The following RASGRF2 variants were observed in gnomAD, a reference collection of about 807,000 sequenced individuals.
The protein encoded by RASGRF2 is Ras protein specific guanine nucleotide releasing factor 2.
In RASGRF2, 76 loss-of-function variants were observed where a neutral mutation model predicts 151.0. The observed-to-expected ratio is 0.50, with a 90% CI of 0.42 to 0.61. The LOEUF is 0.61. Ranked by LOEUF, RASGRF2 falls within the 20% of genes least tolerant of loss-of-function variation. RASGRF2 has a pLI of 0.00. For synonymous variants in RASGRF2, 504 were observed against 566.5 expected, an observed-to-expected ratio of 0.89 and a Z score of 1.57; for missense variants, 1,148 against 1,564.6, an observed-to-expected ratio of 0.73 and a Z score of 4.49.
In RASGRF2 at chr5:81,034,467, A is replaced by G. The variant is rs562073680; in HGVS notation, c.289-8410A>G. On this transcript the variant is annotated intron_variant, in intron 1 of 26. Coordinates refer to ENST00000265080, the MANE Select transcript of RASGRF2 (RefSeq NM_006909.3). ...TTACTGGGTATATACCCAAAGGACT[A>G]TAAATCATGCTGCTATAAAGACACA... Among the ~76,000 whole-genome samples the G allele has an allele frequency of 1.6e-3, 246 of 152,158 alleles. 3 individuals carry two copies. Among genetic ancestry groups the G allele is most frequent in the African/African-American group, 5.7e-3 (235 of 41,510 alleles).
rs532550 is a variant in RASGRF2, at chr5:80,995,286, C to G, written c.288+34260C>G. ...AAAAAAAAAAAAAGTTTACTTAGGC[C>G]CCTTTGTGGTCATTCCTTCCCTAAC... On this transcript the variant is annotated intron_variant, in intron 1 of 26. Transcript: ENST00000265080. Among the ~76,000 whole-genome samples the G allele has an allele frequency of 3.0e-3, 450 of 151,032 alleles. 5 individuals carry two copies. Among genetic ancestry groups the G allele is most frequent in the Admixed American group, 8.7e-3 (132 of 15,144 alleles).
chr5:81,052,715 A>AG (rs1022959845), intron 2 of RASGRF2, among the ~76,000 whole-genome samples: 3 of 152,202 alleles, frequency 2.0e-5, no homozygotes, highest in Non-Finnish European at 4.4e-5. Context: ...GTAATGCTGA[A>AG]GGGGTGTGAG....
At chr5:81,175,755 CAAAAAAAAA>C (rs33931356) in intron 17 of RASGRF2, among the ~76,000 whole-genome samples, 1 of 99,546 alleles carries the variant, frequency 1.0e-5, no homozygotes. Context: ...AACTCCGTCT[CAAAAAAAAA>C]AAAAAAAAAA....
At chr5:81,085,742 A>C in intron 7 of RASGRF2, 60 bp from the exon 8 acceptor site, 1 of 1,603,610 alleles carries the variant, frequency 6.2e-7, no homozygotes, top group South Asian at 1.1e-5. Flanking sequence ...GGCCCTGCGG[A>C]GCATGTGCCC....
chr5:81,178,408 A>T (rs935762334), intron 17 of RASGRF2, among the ~76,000 whole-genome samples: 3 of 152,152 alleles, frequency 2.0e-5, no homozygotes, highest in African/African-American at 7.2e-5. Context: ...TTATTTATTT[A>T]TTTTTTGGAC....
chr5:80,991,227 G>A (rs1308726243), intron 1 of RASGRF2, among the ~76,000 whole-genome samples: 4 of 152,164 alleles, frequency 2.6e-5, no homozygotes, highest in African/African-American at 9.7e-5. Flanking sequence ...GGGAGGCCAA[G>A]GCAGGCAGAT....
At chr5:81,024,498 G>C (rs1749947075) in intron 1 of RASGRF2, among the ~76,000 whole-genome samples, 1 of 151,820 alleles carries the variant, frequency 6.6e-6, no homozygotes, top group African/African-American at 2.4e-5. Context: ...GACCTCAGGT[G>C]ACCCACCCAC....
chr5:81,054,740 G>C (rs1103814), intron 2 of RASGRF2, among the ~76,000 whole-genome samples: 58,808 of 124,108 alleles, frequency 0.47, 14,519 homozygotes, highest in Middle Eastern at 0.72. Context: ...TCATGATATT[G>C]ATTCTTCCTA....
chr5:81,091,198 T>G (rs1752378650), intron 9 of RASGRF2, among the ~76,000 whole-genome samples: 1 of 152,234 alleles, frequency 6.6e-6, no homozygotes, highest in South Asian at 2.1e-4. Flanking sequence ...GGCCTCTGGC[T>G]TTGATTGCAT....
chr5:81,019,389 G>A (rs2112333196), intron 1 of RASGRF2: 1 of 152,342 alleles, frequency 6.6e-6, no homozygotes, highest in South Asian at 2.1e-4. Flanking sequence ...AAGTCACGGA[G>A]CCAGGCATGT....
At chr5:81,100,768 C>T (rs1188651119) in intron 12 of RASGRF2, among the ~76,000 whole-genome samples, 1 of 152,154 alleles carries the variant, frequency 6.6e-6, no homozygotes, top group Non-Finnish European at 1.5e-5. Context: ...ATTTGTAGCA[C>T]ACTGGACATG....
At chr5:80,977,150 G>T (rs1748145393) in intron 1 of RASGRF2, among the ~76,000 whole-genome samples, 1 of 152,092 alleles carries the variant, frequency 6.6e-6, no homozygotes. Context: ...TTTCAGCATG[G>T]TGGTTTGAGC....
intron 17 of RASGRF2, among the ~76,000 whole-genome samples, chr5:81,135,961 TTAC>T (rs1753743064): frequency 6.6e-6 from 1 of 152,194 alleles, no homozygotes; most frequent in African/African-American, 2.4e-5. Flanking sequence ...CCTTGTAATA[TTAC>T]TGTGAGTTAT....
intron 18 of RASGRF2, among the ~76,000 whole-genome samples, chr5:81,188,526 G>A (rs527836467): frequency 2.0e-5 from 3 of 152,266 alleles, no homozygotes; most frequent in African/African-American, 7.2e-5. Context: ...TCTTTTATGG[G>A]TGACTTGAGA....
chr5:81,012,964 T>C (rs1749515988), intron 1 of RASGRF2, among the ~76,000 whole-genome samples: 1 of 151,994 alleles, frequency 6.6e-6, no homozygotes, highest in South Asian at 2.1e-4. Context: ...AATCAGGGGA[T>C]TGGAAGGAAA....
chr5:80,988,428 T>C (rs1748546137), intron 1 of RASGRF2, among the ~76,000 whole-genome samples: 1 of 152,152 alleles, frequency 6.6e-6, no homozygotes, highest in Non-Finnish European at 1.5e-5. Context: ...TACCTAGAGT[T>C]CTTAGTACCA....
chr5:81,144,862 G>C (rs115882518), intron 17 of RASGRF2, among the ~76,000 whole-genome samples: 3,023 of 152,170 alleles, frequency 0.02, 92 homozygotes, highest in African/African-American at 0.067. Context: ...CCTGTCATCT[G>C]GCTCTTCTAA....
intron 1 of RASGRF2, among the ~76,000 whole-genome samples, chr5:80,999,515 T>TTTTA (rs1436372490): frequency 5.1e-4 from 78 of 151,904 alleles, no homozygotes; most frequent in African/African-American, 1.8e-3. Context: ...GAATATTTAT[T>TTTTA]TTTATTTATT....
intron 1 of RASGRF2, among the ~76,000 whole-genome samples, chr5:81,038,883 T>C (rs1286591504): frequency 6.6e-6 from 1 of 152,198 alleles, no homozygotes; most frequent in Non-Finnish European, 1.5e-5. Context: ...GCCTATATTC[T>C]TGACACTAAT....
Sources: gnomAD v4.1 joint callset for allele counts (sites outside exome capture counted in the v4.1 genomes callset) on GRCh38, gnomAD v4.1.1 for gene constraint, MANE v1.5 for transcripts, NCBI Gene and HGNC (gene_info 2026-07-23, HGNC 2026-07-21) for gene names.